Variants in SV2C observed in about 807,000 individuals in gnomAD.
SV2C encodes the protein solute carrier family 22 member B3.
SV2C carries 49 observed loss-of-function variants against 79.7 expected under a neutral mutation model. That is an observed-to-expected ratio of 0.61 (90% CI 0.49 to 0.78). SV2C has a LOEUF of 0.78. Among genes scored for constraint, SV2C ranks in the 30% least tolerant of loss-of-function variants. SV2C has a pLI of 0.00. For missense variants in SV2C, 833 were observed against 912.9 expected (o/e 0.91, Z 1.13); for synonymous variants, 334 against 333.2 (o/e 1.00, Z -0.03).
At chr5:76,246,359 T>C (rs1745948177) in intron 4 of SV2C, among the ~76,000 whole-genome samples, 2 of 152,208 alleles carry the variant, frequency 1.3e-5, no homozygotes, top group South Asian at 4.1e-4. Flanking sequence ...TGATTATCGG[T>C]AACATATAAG....
At chr5:76,031,779 T>C in the SV2C span, among the ~76,000 whole-genome samples, 2 of 152,186 alleles carry the variant, frequency 1.3e-5, no homozygotes, top group East Asian at 1.9e-4. Context: ...CATTAGAAAT[T>C]ATGTTATTAA....
intron 12 of SV2C, among the ~76,000 whole-genome samples, chr5:76,338,978 T>G (rs1176016499): frequency 1.4e-5 from 2 of 145,156 alleles, no homozygotes; most frequent in Non-Finnish European, 2.9e-5. Context: ...TAAAGTACCC[T>G]CAGGCTTGGG....
chr5:75,950,839 C>T, the SV2C span, among the ~76,000 whole-genome samples: 1 of 151,864 alleles, frequency 6.6e-6, no homozygotes, highest in African/African-American at 2.4e-5. Flanking sequence ...ATCCCTGGAA[C>T]AATTATTTCT....
chr5:76,221,847 C>T lies in SV2C; in HGVS notation c.913+11960C>T, dbSNP rs1745073597. ...TGGAGACCTTGACATACAGAAGAGA[C>T]AAAGGCACCCATACCTATGGTAAAT... On this transcript the variant is annotated intron_variant, in intron 4 of 12. Coordinates refer to ENST00000502798, the MANE Select transcript of SV2C (RefSeq NM_014979.4). Among the ~76,000 whole-genome samples the T allele has an allele frequency of 2.6e-5, 4 of 152,208 alleles. No homozygotes were observed. The South Asian group carries it at 8.3e-4, about 32-fold the overall frequency.
the SV2C span, among the ~76,000 whole-genome samples, chr5:75,850,952 G>A: frequency 4.6e-5 from 7 of 152,316 alleles, no homozygotes; most frequent in East Asian, 3.9e-4. Flanking sequence ...GGAGGGCTAC[G>A]TGTCCTGTAT....
the SV2C span, among the ~76,000 whole-genome samples, chr5:76,069,189 T>C: frequency 2.0e-4 from 30 of 152,308 alleles, no homozygotes; most frequent in African/African-American, 7.0e-4. Context: ...CTGCCAAGAA[T>C]CTGGGGTGCA....
intron 4 of SV2C, among the ~76,000 whole-genome samples, chr5:76,277,681 A>T (rs764422864): frequency 2.0e-5 from 3 of 151,640 alleles, no homozygotes; most frequent in African/African-American, 4.9e-5. Context: ...CAGGAGAATC[A>T]CTTGGGAAGC....
At chr5:76,205,438 C>A (rs1339084807) in intron 3 of SV2C, among the ~76,000 whole-genome samples, 1 of 152,040 alleles carries the variant, frequency 6.6e-6, no homozygotes, top group Non-Finnish European at 1.5e-5. Context: ...TCCTTCTGTG[C>A]CTCTTATTAC....
intron 4 of SV2C, among the ~76,000 whole-genome samples, chr5:76,277,973 C>T (rs543215170): frequency 6.6e-6 from 1 of 152,230 alleles, no homozygotes; most frequent in African/African-American, 2.4e-5. Flanking sequence ...CATGACTCTG[C>T]ATTTGTCAAG....
chr5:75,909,345 G>A, the SV2C span, among the ~76,000 whole-genome samples: 1 of 152,184 alleles, frequency 6.6e-6, no homozygotes, highest in African/African-American at 2.4e-5. Flanking sequence ...TTTTCCTCTA[G>A]TACCACAGAT....
intron 12 of SV2C, among the ~76,000 whole-genome samples, chr5:76,321,609 T>C (rs1238639670): frequency 6.6e-6 from 1 of 151,946 alleles, no homozygotes; most frequent in African/African-American, 2.4e-5. Context: ...GGCATGGTGG[T>C]GCACGCCTGT....
At chr5:76,009,225 C>T in the SV2C span, among the ~76,000 whole-genome samples, 3,252 of 152,220 alleles carry the variant, frequency 0.021, 107 homozygotes, top group African/African-American at 0.069. Flanking sequence ...CATCTCATAC[C>T]AGTCAGAATG....
intron 4 of SV2C, among the ~76,000 whole-genome samples, chr5:76,283,621 ACTT>A (rs998203531): frequency 1.1e-4 from 16 of 152,308 alleles, no homozygotes; most frequent in African/African-American, 3.6e-4. Flanking sequence ...AGAGTTTTGA[ACTT>A]CTGCTACATA....
At chr5:76,246,218 T>C (rs1281184751) in intron 4 of SV2C, among the ~76,000 whole-genome samples, 2 of 152,180 alleles carry the variant, frequency 1.3e-5, no homozygotes, top group Admixed American at 1.3e-4. Flanking sequence ...CATCTTTCCA[T>C]ATTCCTGAGT....
the SV2C span, among the ~76,000 whole-genome samples, chr5:75,894,979 G>A: frequency 2.4e-4 from 36 of 152,112 alleles, no homozygotes; most frequent in Admixed American, 4.6e-4. Flanking sequence ...AGATGCATAC[G>A]GAGTTTCTTG....
At chr5:76,282,031 C>A (rs998142598) in intron 4 of SV2C, among the ~76,000 whole-genome samples, 5 of 152,296 alleles carry the variant, frequency 3.3e-5, no homozygotes, top group Admixed American at 6.5e-5. Flanking sequence ...TAGTGACTTT[C>A]TCTTTGGTTA....
At chr5:75,967,985 T>G in the SV2C span, among the ~76,000 whole-genome samples, 1 of 152,126 alleles carries the variant, frequency 6.6e-6, no homozygotes, top group Admixed American at 6.5e-5. Flanking sequence ...TCCAGAGGAA[T>G]GATAAGGCAG....
chr5:76,239,626 G>T (rs905490240), intron 4 of SV2C, among the ~76,000 whole-genome samples: 3 of 152,194 alleles, frequency 2.0e-5, no homozygotes, highest in African/African-American at 7.2e-5. Flanking sequence ...GTCCTGGCAA[G>T]TTGGTTCATC....
At chr5:76,288,705 T>C (rs760283836) in intron 6 of SV2C, among the ~76,000 whole-genome samples, 1 of 152,182 alleles carries the variant, frequency 6.6e-6, no homozygotes, top group Non-Finnish European at 1.5e-5. Flanking sequence ...TACATGAAGG[T>C]TAGAGGAGAA....
Sources: allele counts gnomAD v4.1 joint callset (sites outside exome capture counted in the v4.1 genomes callset), GRCh38; gene constraint gnomAD v4.1.1; transcripts MANE v1.5; gene names NCBI Gene and HGNC (gene_info 2026-07-23, HGNC 2026-07-21).